Variants in ALLC observed in about 807,000 individuals in gnomAD.
ALLC encodes probable inactive allantoicase.
In ALLC, 40 loss-of-function variants were observed where a neutral mutation model predicts 45.0. That is an observed-to-expected ratio of 0.89 (90% confidence interval 0.69 to 1.16). The LOEUF is 1.16. Among genes scored for constraint, ALLC ranks in the 50% most tolerant of loss-of-function variants. The pLI, the probability that ALLC is intolerant of heterozygous loss-of-function variation, is 0.00. For missense variants in ALLC, 488 were observed against 493.1 expected, an observed-to-expected ratio of 0.99 and a Z score of 0.10; for synonymous variants, 176 against 178.1, an observed-to-expected ratio of 0.99 and a Z score of 0.09.
At chr2:3,647,378 T>C in the ALLC span, among the ~76,000 whole-genome samples, 1 of 152,022 alleles carries the variant, frequency 6.6e-6, no homozygotes, top group Non-Finnish European at 1.5e-5. Context: ...GCATTCTTTC[T>C]CACCTTCTTC....
chr2:3,698,442 C>T (rs1667739648), intron 10 of ALLC, among the ~76,000 whole-genome samples: 1 of 152,170 alleles, frequency 6.6e-6, no homozygotes, highest in Admixed American at 6.5e-5. Flanking sequence ...GAGAAGGGTC[C>T]TAAGCAGATT....
chr2:3,689,873 TA>T lies in ALLC; in HGVS notation c.512-5842del, dbSNP rs1462931996. On this transcript the variant is annotated intron_variant, in intron 7 of 11. Transcript: ENST00000252505. ...TAGATCTATTAATGTTTGCTTTATA[TA>T]AGACTTGAAAGCTCTGGTGTTGGAC... 1.5e-4 allele frequency among the ~76,000 whole-genome samples: 23 copies of T among 150,772 alleles called. 1 individual carries two copies. Among genetic ancestry groups the T allele is most frequent in the Non-Finnish European group, 3.0e-4 (20 of 67,502 alleles).
the ALLC span, among the ~76,000 whole-genome samples, chr2:3,647,002 A>G: frequency 4.6e-5 from 7 of 152,106 alleles, no homozygotes; most frequent in Non-Finnish European, 2.9e-5. Context: ...TTCTGGTCTC[A>G]CAGGCTGTGC....
chr2:3,682,662 A>T (rs937979689), intron 6 of ALLC, among the ~76,000 whole-genome samples: 2 of 152,064 alleles, frequency 1.3e-5, no homozygotes, highest in Admixed American at 6.6e-5. Flanking sequence ...AGTAGCTGGG[A>T]CTACAGGCGC....
chr2:3,667,918 C>G (rs1666768814), intron 1 of ALLC, among the ~76,000 whole-genome samples: 1 of 152,176 alleles, frequency 6.6e-6, no homozygotes, highest in African/African-American at 2.4e-5. Flanking sequence ...GCATGCGCCA[C>G]CATGCCTGGC....
intron 1 of ALLC, among the ~76,000 whole-genome samples, chr2:3,668,271 G>T (rs917311741): frequency 1.3e-5 from 2 of 152,134 alleles, no homozygotes; most frequent in Non-Finnish European, 2.9e-5. Flanking sequence ...GTGGGGAAGA[G>T]CATTCCTGGC....
At chr2:3,666,906 G>A (rs1258743978) in intron 1 of ALLC, among the ~76,000 whole-genome samples, 5 of 152,232 alleles carry the variant, frequency 3.3e-5, no homozygotes, top group Non-Finnish European at 5.9e-5. Context: ...CAGGGAGGCC[G>A]CAGGTGCCTA....
At chr2:3,659,664 G>A (rs1390492657) in intron 1 of ALLC, among the ~76,000 whole-genome samples, 5 of 152,172 alleles carry the variant, frequency 3.3e-5, no homozygotes, top group Non-Finnish European at 5.9e-5. Flanking sequence ...CAACAGAAAC[G>A]GCAGGGACCA....
At chr2:3,695,906 G>A (rs1158918462) in intron 8 of ALLC, 34 bp downstream of exon 8, 2 of 1,572,960 alleles carry the variant, frequency 1.3e-6, no homozygotes, top group Non-Finnish European at 8.6e-7. Flanking sequence ...GCTTATTTAG[G>A]AAGTCTGGGT....
At chr2:3,648,857 A>G in the ALLC span, among the ~76,000 whole-genome samples, 421 of 152,298 alleles carry the variant, frequency 2.8e-3, 4 homozygotes, top group African/African-American at 9.6e-3. Flanking sequence ...AAACATCCTA[A>G]GCCTCAGTTT....
At chr2:3,649,156 C>T in the ALLC span, among the ~76,000 whole-genome samples, 10 of 151,938 alleles carry the variant, frequency 6.6e-5, no homozygotes, top group Non-Finnish European at 1.0e-4. Flanking sequence ...CCACAATGGG[C>T]GCGTTAATGA....
chr2:3,652,918 A>T, the ALLC span, among the ~76,000 whole-genome samples: 3 of 152,112 alleles, frequency 2.0e-5, no homozygotes, highest in Non-Finnish European at 4.4e-5. Flanking sequence ...CATCCATTTA[A>T]CCATTAATCT....
chr2:3,649,482 C>T, the ALLC span, among the ~76,000 whole-genome samples: 4 of 152,330 alleles, frequency 2.6e-5, no homozygotes, highest in Admixed American at 6.5e-5. Flanking sequence ...ACCTCGTGAT[C>T]CACCCGCCTC....
chr2:3,697,963 C>A (rs936743749), intron 10 of ALLC, among the ~76,000 whole-genome samples: 30 of 148,096 alleles, frequency 2.0e-4, no homozygotes, highest in African/African-American at 7.5e-4. Context: ...CTGCGCCCGA[C>A]CCTTATTTAT....
intron 1 of ALLC, among the ~76,000 whole-genome samples, chr2:3,664,876 T>A (rs188136241): frequency 2.0e-5 from 3 of 147,484 alleles, no homozygotes. Flanking sequence ...AAAGAAAGAC[T>A]CTGTCTCCAA....
chr2:3,657,532 T>G (rs569464495), upstream of ALLC, among the ~76,000 whole-genome samples: 10 of 152,258 alleles, frequency 6.6e-5, no homozygotes, highest in African/African-American at 2.2e-4. Flanking sequence ...CCCCAGCTGA[T>G]TCATCTGCAG....
chr2:3,692,990 C>T (rs917385747), intron 7 of ALLC, among the ~76,000 whole-genome samples: 3 of 152,178 alleles, frequency 2.0e-5, no homozygotes, highest in African/African-American at 7.2e-5. Context: ...TGTCCTGCCT[C>T]TCCTGGGAAG....
chr2:3,679,403 A>G (rs1035712595), intron 4 of ALLC, among the ~76,000 whole-genome samples: 1 of 152,148 alleles, frequency 6.6e-6, no homozygotes, highest in Non-Finnish European at 1.5e-5. Context: ...TTGAGAGGAC[A>G]ATGAACACAG....
intron 10 of ALLC, 120 bp from the exon 11 acceptor site, chr2:3,701,392 A>T: frequency 8.0e-7 from 1 of 1,244,840 alleles, no homozygotes; most frequent in South Asian, 1.8e-5. Context: ...GCTTTTGCTC[A>T]GGAAGAGCAG....
Sources: gnomAD v4.1 joint callset for allele counts (sites outside exome capture counted in the v4.1 genomes callset) on GRCh38, gnomAD v4.1.1 for gene constraint, MANE v1.5 for transcripts, NCBI Gene and HGNC (gene_info 2026-07-23, HGNC 2026-07-21) for gene names.